The following PCDHGB2 variants were observed in gnomAD, a reference collection of about 807,000 sequenced individuals.
PCDHGB2 encodes protocadherin gamma subfamily B, 2.
In PCDHGB2, 55 loss-of-function variants were observed where a neutral mutation model predicts 59.3. The ratio of observed to expected loss-of-function variants is 0.93; its 90% confidence interval spans 0.75 to 1.16. The LOEUF (loss-of-function observed/expected upper bound fraction) is 1.16, where lower values mean the gene tolerates loss of function less well. Among genes scored for constraint, PCDHGB2 ranks in the 50% most tolerant of loss-of-function variants. The pLI, the probability that PCDHGB2 is intolerant of heterozygous loss-of-function variation, is 0.00. For missense variants in PCDHGB2, 1,228 were observed against 1,198.5 expected (o/e 1.02, Z -0.36); for synonymous variants, 516 against 512.0 (o/e 1.01, Z -0.11).
chr5:141,434,481 A>G (rs2097697198), intron 1 of PCDHGB2, among the ~76,000 whole-genome samples: 1 of 152,246 alleles, frequency 6.6e-6, no homozygotes, highest in Non-Finnish European at 1.5e-5. Context: ...GGCAAGGAAC[A>G]CCTGGCCCGC....
In PCDHGB2 at chr5:141,383,423, A is replaced by G. The variant is rs373117845; in HGVS notation, c.2421+20867A>G. 86 of 1,613,864 alleles carry G rather than the reference A, an allele frequency of 5.3e-5. No individual in the cohort carries two copies. The highest frequency in any genetic ancestry group is 1.6e-4 in the Middle Eastern group (1 of 6,084). On this transcript the variant is annotated intron_variant, in intron 1 of 3. Transcript: ENST00000522605. ...CTCCAGAGTTACCAGCTCAGCCCCAATCGCCACTTCTCCCTGGCTGTGCAA... is the reference window on the plus strand; with the variant it reads ...CTCCAGAGTTACCAGCTCAGCCCCAGTCGCCACTTCTCCCTGGCTGTGCAA...
At chr5:141,363,362 TC>T (rs1356000329) in intron 1 of PCDHGB2, among the ~76,000 whole-genome samples, 1 of 152,268 alleles carries the variant, frequency 6.6e-6, no homozygotes, top group African/African-American at 2.4e-5. Flanking sequence ...TCCATTTTTT[TC>T]AATCAAGAGG....
chr5:141,395,290 T>G, intron 1 of PCDHGB2: 1 of 1,529,838 alleles, frequency 6.5e-7, no homozygotes, highest in Non-Finnish European at 8.8e-7. Context: ...TTATTTGGCA[T>G]AAATTATGTT....
rs754299511 is a variant in PCDHGB2 at position 141,476,353 on chromosome 5, G to A, written c.2422-18454G>A. 4 of 1,614,202 alleles carry A rather than the reference G, an allele frequency of 2.5e-6. No individual in the cohort carries two copies. Among genetic ancestry groups the A allele is most frequent in the South Asian group, 1.1e-5 (1 of 91,082 alleles). On this transcript the variant is annotated intron_variant, in intron 1 of 3. Coordinates refer to ENST00000522605, the MANE Select transcript of PCDHGB2 (RefSeq NM_018923.3). The surrounding 1 kb of genome is among the most constrained non-coding windows in gnomAD (Gnocchi z 7.6). The stretch of plus-strand genomic sequence containing the variant: ...GAGCTAGCCGAAGATTCTTTGAGGT[G>A]AACCGGGAGACCGGAGAGATGTTTG...
At chr5:141,398,878 C>T in intron 1 of PCDHGB2, 2 of 1,613,968 alleles carry the variant, frequency 1.2e-6, no homozygotes, top group Non-Finnish European at 1.7e-6. Context: ...CAGAGTCAGC[C>T]TTCGGGAAAA....
At chr5:141,423,001 G>A in intron 1 of PCDHGB2, 2 of 1,614,230 alleles carry the variant, frequency 1.2e-6, no homozygotes, top group Non-Finnish European at 1.7e-6. Flanking sequence ...GGTGACCAAG[G>A]TGGTTGCGGT....
intron 1 of PCDHGB2, among the ~76,000 whole-genome samples, chr5:141,461,314 T>A (rs1453512629): frequency 6.6e-6 from 1 of 152,198 alleles, no homozygotes; most frequent in Non-Finnish European, 1.5e-5. Context: ...TTTTTTGACT[T>A]TTTAATAATG....
At position 141,362,225 on chromosome 5, in the gene PCDHGB2, C is replaced by T; in HGVS notation, c.2090C>T (p.Ala697Val). ...CAGTTTTACCTGGTTGTGGCCTTGG[C>T]CTTGATCTCAGTGCTCTTCTTCCTC... ...KLQFYLVVAL[A>V]LISVLFFLAV... The change falls in exon 1 of 4, where the codon GCC becomes GTC. Residue 697 changes from alanine (A) to valine (V), a missense_variant. Ala to Val is a moderately conservative substitution (Grantham distance 64, BLOSUM62 0). This residue lies in a region of PCDHGB2 where 433 missense variants were observed against 441.8 expected (regional missense o/e 0.98). Transcript: ENST00000522605. 6.2e-7 allele frequency: 1 copy of T among 1,614,040 alleles called. No individual in the cohort carries two copies. Among genetic ancestry groups the T allele is most frequent in the Non-Finnish European group, 8.5e-7 (1 of 1,179,906 alleles).
intron 1 of PCDHGB2, chr5:141,366,399 C>T: frequency 6.2e-7 from 1 of 1,614,192 alleles, no homozygotes; most frequent in Non-Finnish European, 8.5e-7. Context: ...CTGGACCTCA[C>T]ACTCTATCTT....
chr5:141,422,027 C>A, intron 1 of PCDHGB2: 1 of 1,610,650 alleles, frequency 6.2e-7, no homozygotes, highest in Non-Finnish European at 8.5e-7. Context: ...ATGGTTAATG[C>A]AACGGATCCA....
In PCDHGB2 at chr5:141,511,460, A is replaced by ACCC. The variant is rs1367357803; in HGVS notation, c.*289_*291dup. The ACCC allele has an allele frequency of 2.4e-4, 137 of 564,806 alleles. 1 individual carries two copies. In the Middle Eastern group the frequency reaches 2.7e-3, roughly 11 times the overall value. The allele number at this position is 564,806 out of a possible 1,614,324, so 35.0% of individuals were successfully genotyped here. A position where few individuals can be genotyped will look rare whatever the true frequency, so the allele number is the denominator to read the frequency against. ...GTAGACACCAAGAACCATTTGCCAC[A>ACCC]CCCCGTTTAGTTACAGCTGAACTCC... On this transcript the variant is annotated 3_prime_UTR_variant, in exon 4 of 4. Transcript: ENST00000522605.
At position 141,489,754 on chromosome 5, in the gene PCDHGB2, C is replaced by G; in HGVS notation, c.2422-5053C>G. 1 of 1,614,110 alleles carries G rather than the reference C, an allele frequency of 6.2e-7. No homozygotes were observed. The highest frequency in any genetic ancestry group is 8.5e-7 in the Non-Finnish European group (1 of 1,179,972). ...CACCAATACTGTGAGCTTTTACACT[C>G]TAAGCCCCAACAGCCACTTCTCTCT... On this transcript the variant is annotated intron_variant, in intron 1 of 3. Coordinates refer to ENST00000522605, the MANE Select transcript of PCDHGB2 (RefSeq NM_018923.3). The surrounding 1 kb of genome is among the most constrained non-coding windows in gnomAD (Gnocchi z 4.5).
Position 141,364,472 on chromosome 5 carries a change from A to C in PCDHGB2, c.2421+1916A>C, listed in dbSNP as rs375080558. On this transcript the variant is annotated intron_variant, in intron 1 of 3. Transcript: ENST00000522605. ...GGACAAAGGCTCCTTCGTCGGCAAC[A>C]TAGCCAAGGACCTTGGGCTGGAGCC... The C allele has an allele frequency of 6.8e-6, 11 of 1,614,038 alleles. 1 individual carries two copies. Among genetic ancestry groups the C allele is most frequent in the Middle Eastern group, 1.7e-4 (1 of 6,056 alleles).
At chr5:141,449,588 CAAAA>C (rs768743917) in intron 1 of PCDHGB2, among the ~76,000 whole-genome samples, 2 of 57,488 alleles carry the variant, frequency 3.5e-5, no homozygotes, top group Non-Finnish European at 3.7e-5. Flanking sequence ...GACTCTGTCT[CAAAA>C]AAAAAAAAAA....
At chr5:141,417,772 C>A (rs2240701) in intron 1 of PCDHGB2, 340,590 of 1,455,726 alleles carry the variant, frequency 0.23, 43,476 homozygotes, top group African/African-American at 0.5. Flanking sequence ...GGGACTCCTC[C>A]TGTCCTGGGC....
intron 1 of PCDHGB2, chr5:141,372,298 G>T (rs1768627083): frequency 6.2e-7 from 1 of 1,613,330 alleles, no homozygotes; most frequent in Non-Finnish European, 8.5e-7. Flanking sequence ...TTGGGCGACA[G>T]GGAGGCCGCC....
intron 1 of PCDHGB2, chr5:141,372,919 A>T (rs1404152823): frequency 9.8e-7 from 1 of 1,018,038 alleles, no homozygotes; most frequent in Admixed American, 3.0e-5. Context: ...TATTTTATTG[A>T]TTTTCTGGTG....
At chr5:141,375,802 T>G (rs754541889) in intron 1 of PCDHGB2, 15 of 1,614,072 alleles carry the variant, frequency 9.3e-6, no homozygotes, top group East Asian at 2.2e-5. Flanking sequence ...ACGGTTCCAC[T>G]GGCGTGGAGC....
At chr5:141,404,289 A>T in intron 1 of PCDHGB2, 1 of 1,614,006 alleles carries the variant, frequency 6.2e-7, no homozygotes. Context: ...ACTGACATCA[A>T]TGATAATCCA....
Sources: gnomAD v4.1 joint callset for allele counts (sites outside exome capture counted in the v4.1 genomes callset) on GRCh38, gnomAD v4.1.1 for gene constraint, gnomAD v4.1.1 regional missense constraint, Gnocchi (gnomAD v3.1) non-coding constraint, MANE v1.5 for transcripts, NCBI Gene and HGNC (gene_info 2026-07-23, HGNC 2026-07-21) for gene names.